The following LGSN variants were observed in gnomAD, a reference collection of about 807,000 sequenced individuals.
LGSN encodes the protein lengsin, lens protein with glutamine synthetase domain.
LGSN carries 21 observed loss-of-function variants against 19.5 expected under a neutral mutation model. The observed-to-expected ratio is 1.07, with a 90% CI of 0.76 to 1.55. The LOEUF (loss-of-function observed/expected upper bound fraction) is 1.55, where lower values mean the gene tolerates loss of function less well. Among genes scored for constraint, LGSN ranks in the 40% most tolerant of loss-of-function variants. The pLI, the probability that LGSN is intolerant of heterozygous loss-of-function variation, is 0.00. For missense variants in LGSN, 673 were observed against 608.5 expected, an observed-to-expected ratio of 1.11 and a Z score of -1.12; for synonymous variants, 257 against 215.6, an observed-to-expected ratio of 1.19 and a Z score of -1.68.
chr6:63,434,552 A>T, the LGSN span, among the ~76,000 whole-genome samples: 5 of 145,464 alleles, frequency 3.4e-5, no homozygotes, highest in Admixed American at 3.5e-4. Context: ...TGAGGTCAGG[A>T]GTTCGAGAAC....
the LGSN span, among the ~76,000 whole-genome samples, chr6:63,345,725 G>T: frequency 2.0e-5 from 3 of 152,154 alleles, no homozygotes; most frequent in Middle Eastern, 0.01. Flanking sequence ...ATCACATGGC[G>T]ACCTTACTCC....
the LGSN span, among the ~76,000 whole-genome samples, chr6:63,380,153 C>G: frequency 1.2e-3 from 187 of 152,234 alleles, 2 homozygotes; most frequent in African/African-American, 4.0e-3. Context: ...AAATTATTTT[C>G]TAGCTAAAGA....
the LGSN span, among the ~76,000 whole-genome samples, chr6:63,343,631 A>G: frequency 2.0e-5 from 3 of 152,290 alleles, no homozygotes; most frequent in African/African-American, 7.2e-5. Flanking sequence ...CAAAATATGA[A>G]TGGTTACTGT....
At chr6:63,320,862 C>A (rs1769056613), upstream of LGSN, among the ~76,000 whole-genome samples, 1 of 152,188 alleles carries the variant, frequency 6.6e-6, no homozygotes, top group Non-Finnish European at 1.5e-5. Context: ...TACAACCACT[C>A]AATCCTGCCT....
chr6:63,412,771 G>GAAACAAA, the LGSN span, among the ~76,000 whole-genome samples: 728 of 34,298 alleles, frequency 0.021, 5 homozygotes, highest in Non-Finnish European at 0.029. Flanking sequence ...AAGAAAGAAA[G>GAAACAAA]GAAGGAAGGG....
chr6:63,562,001 G>GA, the LGSN span, among the ~76,000 whole-genome samples: 26 of 150,914 alleles, frequency 1.7e-4, no homozygotes, highest in African/African-American at 5.6e-4. Flanking sequence ...ATCATTTTTG[G>GA]AAAAAAAATA....
At chr6:63,567,605 A>C in the LGSN span, among the ~76,000 whole-genome samples, 1 of 152,190 alleles carries the variant, frequency 6.6e-6, no homozygotes, top group Admixed American at 6.5e-5. Flanking sequence ...CATAATTTTT[A>C]AGGGTCCTAG....
chr6:63,518,007 C>T, the LGSN span, among the ~76,000 whole-genome samples: 1 of 151,978 alleles, frequency 6.6e-6, no homozygotes, highest in Non-Finnish European at 1.5e-5. Context: ...ACAAAATTAG[C>T]CAGGTGTGGT....
intron 2 of LGSN, among the ~76,000 whole-genome samples, chr6:63,291,661 G>A (rs947588436): frequency 2.0e-5 from 3 of 152,194 alleles, no homozygotes; most frequent in African/African-American, 7.2e-5. Context: ...AAACAGAAAT[G>A]TCTGTTCCTA....
chr6:63,564,901 G>A, the LGSN span, among the ~76,000 whole-genome samples: 1 of 152,342 alleles, frequency 6.6e-6, no homozygotes, highest in African/African-American at 2.4e-5. Flanking sequence ...ACAGTCATGA[G>A]TTATGGATAG....
the LGSN span, among the ~76,000 whole-genome samples, chr6:63,544,480 C>T: frequency 2.0e-5 from 3 of 151,220 alleles, no homozygotes; most frequent in African/African-American, 2.4e-5. Context: ...AGGCAATTAG[C>T]ATCAATACAA....
At chr6:63,365,126 A>C in the LGSN span, among the ~76,000 whole-genome samples, 6 of 152,206 alleles carry the variant, frequency 3.9e-5, no homozygotes, top group Non-Finnish European at 5.9e-5. Context: ...AAAACCCTTC[A>C]AAAAATCAAT....
At chr6:63,306,000 G>A (rs1230308212) in intron 1 of LGSN, among the ~76,000 whole-genome samples, 1 of 152,048 alleles carries the variant, frequency 6.6e-6, no homozygotes, top group Non-Finnish European at 1.5e-5. Flanking sequence ...CCAGGAGGTG[G>A]AGGTTACAGT....
At chr6:63,521,111 A>T in the LGSN span, among the ~76,000 whole-genome samples, 3 of 152,094 alleles carry the variant, frequency 2.0e-5, no homozygotes, top group African/African-American at 7.2e-5. Context: ...GAGGGAGAGC[A>T]TGCGGGGCTT....
In LGSN at chr6:63,276,945, T is replaced by C. The variant is rs1241126107; in HGVS notation, c.*3076A>G. ...CCTGAACTCTGCTGGCCAATGCCTC[T>C]TTTTGGGTTGCCTTAAAGAACAAGA... On this transcript the variant is annotated 3_prime_UTR_variant, in exon 4 of 4. Coordinates refer to ENST00000370657, the MANE Select transcript of LGSN (RefSeq NM_016571.3). The C allele has an allele frequency of 6.6e-6, 1 of 152,254 alleles. No homozygotes were observed. The highest frequency in any genetic ancestry group is 1.5e-5 in the Non-Finnish European group (1 of 68,048). 9.4% of individuals were successfully genotyped at this position (152,254 alleles called of 1,614,324 possible).
intron 1 of LGSN, among the ~76,000 whole-genome samples, chr6:63,296,395 G>C (rs1293101364): frequency 6.6e-6 from 1 of 151,484 alleles, no homozygotes; most frequent in Non-Finnish European, 1.5e-5. Context: ...GAAATATAAA[G>C]CTTTATTGTA....
chr6:63,418,574 A>G, the LGSN span, among the ~76,000 whole-genome samples: 5 of 152,216 alleles, frequency 3.3e-5, no homozygotes, highest in African/African-American at 1.2e-4. Context: ...AAAAAATAAA[A>G]ATAAAAAGCA....
chr6:63,460,802 A>G, the LGSN span, among the ~76,000 whole-genome samples: 52 of 152,298 alleles, frequency 3.4e-4, no homozygotes, highest in East Asian at 9.5e-3. Flanking sequence ...GTTCTTCTGA[A>G]TATACTTTTG....
the LGSN span, among the ~76,000 whole-genome samples, chr6:63,503,322 A>G: frequency 1.3e-5 from 2 of 152,228 alleles, no homozygotes; most frequent in East Asian, 3.8e-4. Context: ...ATTTATGGAA[A>G]GGAAACTTAC....
Sources: gnomAD v4.1 joint callset for allele counts (sites outside exome capture counted in the v4.1 genomes callset) on GRCh38, gnomAD v4.1.1 for gene constraint, MANE v1.5 for transcripts, NCBI Gene and HGNC (gene_info 2026-07-23, HGNC 2026-07-21) for gene names.